Variants in KLHL3 observed in about 807,000 individuals in gnomAD.
KLHL3 encodes the protein kelch like family member 3.
KLHL3 carries 19 observed loss-of-function variants against 70.5 expected under a neutral mutation model. The observed-to-expected ratio is 0.27, with a 90% CI of 0.19 to 0.40. The LOEUF (loss-of-function observed/expected upper bound fraction) is 0.40, where lower values mean the gene tolerates loss of function less well. Among genes scored for constraint, KLHL3 ranks in the 10% least tolerant of loss-of-function variants. KLHL3 has a pLI of 1.00. For missense variants in KLHL3, 512 were observed against 771.1 expected (o/e 0.66, Z 3.98); for synonymous variants, 258 against 290.3 (o/e 0.89, Z 1.13).
At chr5:137,657,862 G>C (rs527933533) in intron 8 of KLHL3, among the ~76,000 whole-genome samples, 1 of 152,330 alleles carries the variant, frequency 6.6e-6, no homozygotes, top group South Asian at 2.1e-4. Context: ...GAAATGAGAA[G>C]TCAGGGTGGG....
rs1162378221 is a variant in KLHL3 at position 137,621,367 on chromosome 5, A to C, written c.*731T>G. On this transcript the variant is annotated 3_prime_UTR_variant, in exon 15 of 15. Transcript: ENST00000309755. ...AAAGACCAATGGCCTAAACCTGAAG[A>C]CTGGGCAGTTCTCATCTGCTTCCTG... The C allele has an allele frequency of 2.0e-5, 3 of 152,524 alleles. No individual in the cohort carries two copies. The allele number at this position is 152,524 out of a possible 1,614,324, so 9.4% of individuals were successfully genotyped here. A position where few individuals can be genotyped will look rare whatever the true frequency, so the allele number is the denominator to read the frequency against.
intron 4 of KLHL3, among the ~76,000 whole-genome samples, chr5:137,697,504 G>C (rs1752474352): frequency 6.6e-6 from 1 of 152,168 alleles, no homozygotes; most frequent in Non-Finnish European, 1.5e-5. Flanking sequence ...CATCACCCTT[G>C]ACCTAACCAC....
intron 13 of KLHL3, among the ~76,000 whole-genome samples, chr5:137,626,220 GA>G (rs1292180019): frequency 1.3e-5 from 2 of 152,194 alleles, no homozygotes; most frequent in Non-Finnish European, 2.9e-5. Context: ...CTCTTTAATG[GA>G]AAGGTGTATA....
At chr5:137,682,776 T>C (rs1223122036) in intron 5 of KLHL3, among the ~76,000 whole-genome samples, 1 of 152,216 alleles carries the variant, frequency 6.6e-6, no homozygotes, top group Non-Finnish European at 1.5e-5. Context: ...GTCTCCAGCA[T>C]AATATCTGTA....
At chr5:137,709,249 C>T (rs747849978) in intron 3 of KLHL3, among the ~76,000 whole-genome samples, 2 of 152,184 alleles carry the variant, frequency 1.3e-5, no homozygotes, top group African/African-American at 2.4e-5. Flanking sequence ...TAAAGACTAG[C>T]GGAGGTCCAG....
intron 1 of KLHL3, among the ~76,000 whole-genome samples, chr5:137,727,247 T>C (rs552409645): frequency 6.6e-6 from 1 of 152,134 alleles, no homozygotes; most frequent in East Asian, 1.9e-4. Flanking sequence ...CTCTCACTCC[T>C]CACATACAGC....
rs191725944 is a variant in KLHL3, at chr5:137,639,567, G to A, written c.1021+293C>T. 3.9e-5 allele frequency among the ~76,000 whole-genome samples: 6 copies of A among 152,134 alleles called. No individual in the cohort carries two copies. The East Asian group carries it at 5.8e-4, about 15-fold the overall frequency. Reference sequence around the variant, plus strand: ...AAATTAGCTGGGCATGGTGGTGCACGCCTGTAATCCCAGCTACTTGGAAGG... The same window carrying A: ...AAATTAGCTGGGCATGGTGGTGCACACCTGTAATCCCAGCTACTTGGAAGG... On this transcript the variant is annotated intron_variant, in intron 9 of 14. Transcript: ENST00000309755. This position sits in a 1 kb window ranked among gnomAD's most constrained non-coding sequence, Gnocchi z 5.0.
Position 137,628,300 on chromosome 5 carries a change from C to A in KLHL3, c.1588G>T (p.Ala530Ser). Residue 530 changes from alanine (A) to serine (S), a missense_variant, in exon 13 of 15, where the codon GCA becomes TCA. Physicochemically the swap from Ala to Ser is moderately conservative, Grantham distance 99. Coordinates refer to ENST00000309755, the MANE Select transcript of KLHL3 (RefSeq NM_017415.3). ...AGATGGAGAGAGCAGTCATTACCTGCGTTGCGCCGGCACATGTTCATGTCT... is the reference window on the plus strand; with the variant it reads ...AGATGGAGAGAGCAGTCATTACCTGAGTTGCGCCGGCACATGTTCATGTCT... ...VADMNMCRRN[A>S]GVCAVNGLLY... 6.2e-7 allele frequency: 1 copy of A among 1,614,118 alleles called. No individual in the cohort carries two copies. Among genetic ancestry groups the A allele is most frequent in the South Asian group, 1.1e-5 (1 of 91,076 alleles).
intron 2 of KLHL3, among the ~76,000 whole-genome samples, chr5:137,713,851 T>A (rs1051346914): frequency 5.3e-5 from 8 of 152,048 alleles, no homozygotes; most frequent in Admixed American, 5.2e-4. Context: ...AACAGAAAAA[T>A]AACCTAATTA....
At chr5:137,697,596 G>C (rs1205322321) in intron 4 of KLHL3, among the ~76,000 whole-genome samples, 1 of 152,194 alleles carries the variant, frequency 6.6e-6, no homozygotes, top group Non-Finnish European at 1.5e-5. Context: ...CACATGCTGG[G>C]AGGGTGACAT....
In KLHL3 at chr5:137,637,275, G is replaced by C. The variant is rs760344422; in HGVS notation, c.1321+19C>G. 1 of 1,608,464 alleles carries C rather than the reference G, an allele frequency of 6.2e-7. No homozygotes were observed. The highest frequency in any genetic ancestry group is 1.1e-5 in the South Asian group (1 of 90,936). On this transcript the variant is annotated intron_variant, in intron 11 of 14. Coordinates refer to ENST00000309755, the MANE Select transcript of KLHL3 (RefSeq NM_017415.3). ...GTGGGCCAGGTAGGCCTGGCCACTG[G>C]CCACTGCCGCCTCCTTACCCTCCAC...
Position 137,622,000 on chromosome 5 carries a change from C to T in KLHL3, c.*98G>A. ...GAGCGGTTCTCACAGCAGCACAGAC[C>T]CTCCCAAGCAAGTTGAATCCAGTCA... On this transcript the variant is annotated 3_prime_UTR_variant, in exon 15 of 15. Transcript: ENST00000309755. 7.7e-7 allele frequency: 1 copy of T among 1,301,084 alleles called. No individual in the cohort carries two copies. Among genetic ancestry groups the T allele is most frequent in the South Asian group, 1.2e-5 (1 of 84,440 alleles). The allele number at this position is 1,301,084 out of a possible 1,614,324, so 80.6% of individuals were successfully genotyped here.
chr5:137,686,978 G>A (rs1395035205), intron 5 of KLHL3, among the ~76,000 whole-genome samples: 4 of 18,178 alleles, frequency 2.2e-4, no homozygotes, highest in South Asian at 2.4e-3. Flanking sequence ...AGGTGGGGGG[G>A]TCAGCCCCCC....
intron 8 of KLHL3, among the ~76,000 whole-genome samples, chr5:137,648,791 C>T (rs1184061584): frequency 6.6e-6 from 1 of 152,192 alleles, no homozygotes; most frequent in African/African-American, 2.4e-5. Context: ...GTGCAGGTCT[C>T]TCTCCACCAT....
At chr5:137,663,082 G>A (rs1175398951) in intron 6 of KLHL3, among the ~76,000 whole-genome samples, 1 of 46,660 alleles carries the variant, frequency 2.1e-5, no homozygotes, top group Non-Finnish European at 5.1e-5. Context: ...TTTTTTTTTT[G>A]GTTCTTACTC....
intron 8 of KLHL3, among the ~76,000 whole-genome samples, chr5:137,649,727 T>A (rs1751152580): frequency 6.6e-6 from 1 of 152,262 alleles, no homozygotes; most frequent in Admixed American, 6.5e-5. Context: ...ATAATTACAG[T>A]TATGAAAATC....
intron 2 of KLHL3, among the ~76,000 whole-genome samples, chr5:137,719,406 T>C (rs540155944): frequency 1.2e-4 from 18 of 152,320 alleles, no homozygotes; most frequent in African/African-American, 4.1e-4. Context: ...AGAGAGTTCA[T>C]GAGCTACAGA....
At chr5:137,664,072 C>A (rs1751553303) in intron 6 of KLHL3, among the ~76,000 whole-genome samples, 1 of 151,878 alleles carries the variant, frequency 6.6e-6, no homozygotes, top group Admixed American at 6.6e-5. Flanking sequence ...TATAATATGG[C>A]CAGGTATGGT....
chr5:137,628,689 A>AT (rs150356770), intron 12 of KLHL3: 147 of 294,394 alleles, frequency 5.0e-4, no homozygotes, highest in Middle Eastern at 1.8e-3. Context: ...TTTAAAAAAC[A>AT]TTAAAAAATA....
Sources: allele counts gnomAD v4.1 joint callset (sites outside exome capture counted in the v4.1 genomes callset), GRCh38; gene constraint gnomAD v4.1.1; non-coding constraint Gnocchi (gnomAD v3.1); transcripts MANE v1.5; gene names NCBI Gene and HGNC (gene_info 2026-07-23, HGNC 2026-07-21).